MYO3B: variants seen among roughly 807,000 people sequenced by gnomAD.
MYO3B encodes the protein myosin IIIB, also known as myosin-IIIb.
A neutral mutation model predicts 174.6 loss-of-function variants in MYO3B; 156 were observed. That is an observed-to-expected ratio of 0.89 (90% confidence interval 0.78 to 1.02). MYO3B has a LOEUF of 1.02. Among genes scored for constraint, MYO3B ranks in the 50% least tolerant of loss-of-function variants. The pLI is 0.00. For synonymous variants in MYO3B, 563 were observed against 569.1 expected, an observed-to-expected ratio of 0.99 and a Z score of 0.15; for missense variants, 1,632 against 1,639.4, an observed-to-expected ratio of 1.00 and a Z score of 0.08.
At chr2:170,269,116 A>G (rs3843329) in intron 7 of MYO3B, among the ~76,000 whole-genome samples, 133,576 of 152,216 alleles carry the variant, frequency 0.88, 59,208 homozygotes, top group East Asian at 0.96. Flanking sequence ...TACACCTTAC[A>G]GGCTGCCTCT....
intron 32 of MYO3B, among the ~76,000 whole-genome samples, chr2:170,641,933 AG>A (rs1252117882): frequency 6.6e-6 from 1 of 151,838 alleles, no homozygotes; most frequent in Non-Finnish European, 1.5e-5. Flanking sequence ...TAAAAAAAAA[AG>A]AATACATATT....
chr2:170,369,443 AT>A (rs1490458771), intron 9 of MYO3B, 66 bp downstream of exon 9: 5 of 1,535,282 alleles, frequency 3.3e-6, no homozygotes, highest in Non-Finnish European at 4.4e-6. Flanking sequence ...ATGTGTTTTG[AT>A]TTGCCCAGCA....
intron 25 of MYO3B, among the ~76,000 whole-genome samples, chr2:170,494,848 A>G (rs1686750987): frequency 6.6e-6 from 1 of 152,066 alleles, no homozygotes; most frequent in African/African-American, 2.4e-5. Flanking sequence ...TAGAATTTGT[A>G]TAGCTTTTAC....
intron 6 of MYO3B, among the ~76,000 whole-genome samples, chr2:170,219,159 C>G (rs996783806): frequency 6.6e-6 from 1 of 152,210 alleles, no homozygotes; most frequent in African/African-American, 2.4e-5. Flanking sequence ...GAAACATTCC[C>G]TAATCCCTTG....
chr2:170,559,811 G>A (rs1691586307), intron 32 of MYO3B, among the ~76,000 whole-genome samples: 2 of 151,832 alleles, frequency 1.3e-5, no homozygotes, highest in African/African-American at 2.4e-5. Context: ...TCACTCCTCC[G>A]GTCCCACATT....
intron 8 of MYO3B, among the ~76,000 whole-genome samples, chr2:170,355,984 T>C (rs2094117187): frequency 6.6e-6 from 1 of 152,034 alleles, no homozygotes; most frequent in Non-Finnish European, 1.5e-5. Flanking sequence ...TTTTTTGAGA[T>C]GGAGTCTCGC....
chr2:170,620,393 A>G (rs1695811809), intron 32 of MYO3B, among the ~76,000 whole-genome samples: 1 of 152,172 alleles, frequency 6.6e-6, no homozygotes, highest in African/African-American at 2.4e-5. Context: ...CTCCTCTTCC[A>G]TTTATTAACT....
At chr2:170,595,958 A>T (rs531262308) in intron 32 of MYO3B, among the ~76,000 whole-genome samples, 1 of 152,344 alleles carries the variant, frequency 6.6e-6, no homozygotes, top group Non-Finnish European at 1.5e-5. Flanking sequence ...TTACAGTCAA[A>T]ATACCTGAAT....
intron 30 of MYO3B, among the ~76,000 whole-genome samples, chr2:170,523,845 C>T (rs1222190785): frequency 7.9e-5 from 12 of 152,142 alleles, no homozygotes; most frequent in Admixed American, 7.9e-4. Flanking sequence ...CCAGAAGTCA[C>T]CCAGGAGACT....
intron 25 of MYO3B, among the ~76,000 whole-genome samples, chr2:170,489,302 G>A (rs898319396): frequency 6.6e-6 from 1 of 152,200 alleles, no homozygotes; most frequent in African/African-American, 2.4e-5. Flanking sequence ...AGACAGCCCT[G>A]TGGGAATGCC....
intron 10 of MYO3B, 127 bp downstream of exon 10, chr2:170,382,239 A>G (rs1188769242): frequency 5.5e-6 from 4 of 721,424 alleles, no homozygotes; most frequent in Admixed American, 2.1e-5. Flanking sequence ...TAGCTATGGG[A>G]TGAAGTTCAG....
intron 22 of MYO3B, among the ~76,000 whole-genome samples, chr2:170,408,928 G>GTT (rs2094528265): frequency 6.6e-6 from 1 of 152,096 alleles, no homozygotes. Context: ...AGCAGCCGGG[G>GTT]TTTAATTCAA....
intron 8 of MYO3B, among the ~76,000 whole-genome samples, chr2:170,356,162 C>T (rs901197872): frequency 4.0e-5 from 6 of 151,748 alleles, no homozygotes; most frequent in Admixed American, 6.6e-5. Flanking sequence ...GGGGTTTCAC[C>T]GTGTTGGCCA....
At chr2:170,366,204 C>T (rs1220673972) in intron 8 of MYO3B, among the ~76,000 whole-genome samples, 1 of 152,162 alleles carries the variant, frequency 6.6e-6, no homozygotes, top group African/African-American at 2.4e-5. Context: ...GGTGCCATCC[C>T]TACTGAAGTT....
At chr2:170,385,064 G>A (rs376260273) in intron 12 of MYO3B, among the ~76,000 whole-genome samples, 1 of 151,970 alleles carries the variant, frequency 6.6e-6, no homozygotes, top group African/African-American at 2.4e-5. Context: ...ATTATGAAGG[G>A]TATAACTCAG....
At chr2:170,545,321 A>C (rs1690406351) in intron 32 of MYO3B, among the ~76,000 whole-genome samples, 1 of 152,246 alleles carries the variant, frequency 6.6e-6, no homozygotes, top group South Asian at 2.1e-4. Context: ...AAAGTGAGGG[A>C]AATAGTAATG....
rs565159004 is a variant in MYO3B, at chr2:170,424,141, A to C, written c.2650+16297A>C. Among the ~76,000 whole-genome samples, 4 of 152,268 alleles carry C rather than the reference A, an allele frequency of 2.6e-5. No homozygotes were observed. The East Asian group carries it at 7.7e-4, about 29-fold the overall frequency. ...GTACCAGACATCCAAAATCAGTGAG[A>C]TCCTTTTTGTGAGAAGCACCTTGAG... On this transcript the variant is annotated intron_variant, in intron 22 of 34. Transcript: ENST00000408978.
chr2:170,490,245 G>A (rs1686376923), intron 25 of MYO3B, among the ~76,000 whole-genome samples: 1 of 151,992 alleles, frequency 6.6e-6, no homozygotes, highest in Non-Finnish European at 1.5e-5. Context: ...AGCCAGGATG[G>A]TCTCGATTTC....
chr2:170,328,279 C>G (rs1209289071), intron 7 of MYO3B, among the ~76,000 whole-genome samples: 1 of 152,132 alleles, frequency 6.6e-6, no homozygotes, highest in Non-Finnish European at 1.5e-5. Flanking sequence ...ACCACTGGAA[C>G]GAGGTAGCAG....
Sources: allele counts gnomAD v4.1 joint callset (sites outside exome capture counted in the v4.1 genomes callset), GRCh38; gene constraint gnomAD v4.1.1; transcripts MANE v1.5; gene names NCBI Gene and HGNC (gene_info 2026-07-23, HGNC 2026-07-21).